Variants in AOPEP observed in about 807,000 individuals in gnomAD.
AOPEP encodes aminopeptidase O.
Under a neutral mutation model 98.1 loss-of-function variants are expected in AOPEP, and 77 were observed. That is an observed-to-expected ratio of 0.78 (90% confidence interval 0.65 to 0.95). The LOEUF is 0.95. Among genes scored for constraint, AOPEP ranks in the 40% least tolerant of loss-of-function variants. The pLI is 0.00. For missense variants in AOPEP, 1,024 were observed against 1,024.7 expected, an observed-to-expected ratio of 1.00 and a Z score of 0.01; for synonymous variants, 346 against 365.3, an observed-to-expected ratio of 0.95 and a Z score of 0.60.
chr9:94,790,756 T>C (rs1472240326), intron 3 of AOPEP, among the ~76,000 whole-genome samples: 1 of 152,088 alleles, frequency 6.6e-6, no homozygotes, highest in East Asian at 1.9e-4. Flanking sequence ...ATCTCTATTA[T>C]TGGTTTTTAG....
chr9:95,076,548 G>C (rs149864524), intron 14 of AOPEP, among the ~76,000 whole-genome samples: 1 of 152,308 alleles, frequency 6.6e-6, no homozygotes, highest in South Asian at 2.1e-4. Context: ...CATGGGAATC[G>C]TAAGTCAAGA....
At position 94,884,174 on chromosome 9, in the gene AOPEP, G is replaced by T. The variant is rs60159850; in HGVS notation, c.1365-39812G>T. On this transcript the variant is annotated intron_variant, in intron 5 of 16. Coordinates refer to ENST00000375315, the MANE Select transcript of AOPEP (RefSeq NM_001193329.3). ...TGCCCTCCTGATTCTGAGACAGATGGCGAGAAGAAGAAACCATTAAATTCC... is the reference window on the plus strand; with the variant it reads ...TGCCCTCCTGATTCTGAGACAGATGTCGAGAAGAAGAAACCATTAAATTCC... 1.0e-3 allele frequency among the ~76,000 whole-genome samples: 159 copies of T among 152,328 alleles called. 2 individuals carry two copies. The highest frequency in any genetic ancestry group is 3.8e-3 in the African/African-American group (157 of 41,570).
the AOPEP span, among the ~76,000 whole-genome samples, chr9:95,133,351 C>T: frequency 6.6e-6 from 1 of 152,220 alleles, no homozygotes; most frequent in Non-Finnish European, 1.5e-5. Context: ...ATAAATTAAA[C>T]CAAATAACAC....
chr9:95,013,074 C>T lies in AOPEP; in HGVS notation c.2115+7458C>T, dbSNP rs77729131. On this transcript the variant is annotated intron_variant, in intron 13 of 16. Transcript: ENST00000375315. ...GACCTTATACTGGTCCCAACTGTACCACCTAATCATGTGTCCCTTGAGTTT... is the reference window on the plus strand; with the variant it reads ...GACCTTATACTGGTCCCAACTGTACTACCTAATCATGTGTCCCTTGAGTTT... 6.8e-3 allele frequency among the ~76,000 whole-genome samples: 1,026 copies of T among 150,696 alleles called. 9 individuals are homozygous for T. Among genetic ancestry groups the T allele is most frequent in the African/African-American group, 0.024 (974 of 41,098 alleles).
chr9:94,954,238 C>A lies in AOPEP; in HGVS notation c.1662-939C>A, dbSNP rs142099105. Among the ~76,000 whole-genome samples, 799 of 152,206 alleles carry A rather than the reference C, an allele frequency of 5.2e-3. 14 individuals carry two copies. The highest frequency in any genetic ancestry group is 0.043 in the East Asian group (225 of 5,174). ...ACTTGGGAGGCTGAAGCAGAAGGAT[C>A]ATTTGAGCTCAGGAGGCAGAGGTTG... On this transcript the variant is annotated intron_variant, in intron 7 of 16. Transcript: ENST00000375315.
chr9:94,736,194 G>T (rs939999502), intron 1 of AOPEP, among the ~76,000 whole-genome samples: 1 of 152,208 alleles, frequency 6.6e-6, no homozygotes, highest in Non-Finnish European at 1.5e-5. Context: ...CCTATAGGAA[G>T]TGGGGACTGG....
intron 5 of AOPEP, among the ~76,000 whole-genome samples, chr9:94,898,396 A>T (rs1356818630): frequency 6.6e-6 from 1 of 151,582 alleles, no homozygotes; most frequent in African/African-American, 2.4e-5. Flanking sequence ...AGGCAGGCGG[A>T]TCACCTGAGG....
At chr9:94,818,559 A>C (rs904433312) in intron 5 of AOPEP, among the ~76,000 whole-genome samples, 1 of 152,234 alleles carries the variant, frequency 6.6e-6, no homozygotes. Flanking sequence ...GTTTTCCTTC[A>C]AGGCTGTAGC....
chr9:94,931,511 C>A (rs1334042751), intron 7 of AOPEP, among the ~76,000 whole-genome samples: 1 of 152,098 alleles, frequency 6.6e-6, no homozygotes, highest in African/African-American at 2.4e-5. Context: ...CTTAAATGGA[C>A]ACAGAGAACC....
the AOPEP span, among the ~76,000 whole-genome samples, chr9:95,097,994 G>A: frequency 6.6e-6 from 1 of 152,154 alleles, no homozygotes; most frequent in South Asian, 2.1e-4. Context: ...CCGGGCTGGG[G>A]GAGGTGGTCC....
At chr9:94,982,565 CTTTTTTTTTT>C (rs532615813) in intron 11 of AOPEP, among the ~76,000 whole-genome samples, 6,111 of 134,602 alleles carry the variant, frequency 0.045, 444 homozygotes, top group African/African-American at 0.15. Context: ...AAGAGCAATA[CTTTTTTTTTT>C]TTTTTTTTTT....
intron 5 of AOPEP, among the ~76,000 whole-genome samples, chr9:94,905,192 C>T (rs1424240692): frequency 2.6e-5 from 4 of 152,286 alleles, no homozygotes; most frequent in South Asian, 4.1e-4. Context: ...AAATAATTTT[C>T]GAGTTGCTAC....
At chr9:95,120,736 A>AT in the AOPEP span, among the ~76,000 whole-genome samples, 4 of 151,964 alleles carry the variant, frequency 2.6e-5, no homozygotes, top group African/African-American at 7.2e-5. Context: ...CCAGGTCTTC[A>AT]TTTTTTTTGT....
chr9:94,799,772 G>A lies in AOPEP; in HGVS notation c.1119-985G>A, dbSNP rs1164778052. ...AGCTACTCAGGAGGCTGAGTCAAGA[G>A]AATCACTTGAACCTGGGAGGTGGAA... On this transcript the variant is annotated intron_variant, in intron 4 of 16. Transcript: ENST00000375315. Among the ~76,000 whole-genome samples, 3 of 151,674 alleles carry A rather than the reference G, an allele frequency of 2.0e-5. No homozygotes were observed. In the East Asian group the frequency reaches 5.8e-4, roughly 29 times the overall value.
At chr9:94,873,864 G>A (rs2046618575) in intron 5 of AOPEP, among the ~76,000 whole-genome samples, 1 of 152,060 alleles carries the variant, frequency 6.6e-6, no homozygotes, top group Non-Finnish European at 1.5e-5. Flanking sequence ...TTGCTGACAT[G>A]TTTAGTCAAG....
chr9:95,055,925 G>A (rs1380096592), intron 13 of AOPEP, among the ~76,000 whole-genome samples: 3 of 151,462 alleles, frequency 2.0e-5, no homozygotes, highest in African/African-American at 4.9e-5. Context: ...AGTTCCCTGC[G>A]TAGTAACATA....
chr9:94,916,326 A>G (rs549575541), intron 5 of AOPEP, among the ~76,000 whole-genome samples: 1 of 152,240 alleles, frequency 6.6e-6, no homozygotes, highest in Admixed American at 6.5e-5. Flanking sequence ...TTAGTTGGTT[A>G]CTCACATTAA....
intron 13 of AOPEP, among the ~76,000 whole-genome samples, chr9:95,012,207 T>C (rs2062584258): frequency 6.6e-6 from 1 of 152,222 alleles, no homozygotes; most frequent in South Asian, 2.1e-4. Context: ...TTCTCTTTAG[T>C]GCAGGTTATT....
intron 5 of AOPEP, among the ~76,000 whole-genome samples, chr9:94,815,084 A>T (rs1588357437): frequency 6.6e-6 from 1 of 152,128 alleles, no homozygotes; most frequent in African/African-American, 2.4e-5. Context: ...TTGGTCCCAT[A>T]TTTGTGGGTC....
Sources: gnomAD v4.1 joint callset for allele counts (sites outside exome capture counted in the v4.1 genomes callset) on GRCh38, gnomAD v4.1.1 for gene constraint, MANE v1.5 for transcripts, NCBI Gene and HGNC (gene_info 2026-07-23, HGNC 2026-07-21) for gene names.